Variants in CSMD1 observed in about 807,000 individuals in gnomAD.
CSMD1 encodes the protein CUB and Sushi multiple domains 1.
In CSMD1, 213 loss-of-function variants were observed where a neutral mutation model predicts 417.5. The observed-to-expected ratio is 0.51, with a 90% CI of 0.46 to 0.57. CSMD1 has a LOEUF of 0.57. Ranked by LOEUF, CSMD1 falls within the 20% of genes least tolerant of loss-of-function variation. The pLI, the probability that CSMD1 is intolerant of heterozygous loss-of-function variation, is 0.00. For synonymous variants in CSMD1, 2,862 were observed against 1,736.8 expected (o/e 1.65, Z -16.11); for missense variants, 6,923 against 4,529.7 (o/e 1.53, Z -15.17).
chr8:3,559,432 T>C (rs910302953), intron 10 of CSMD1, among the ~76,000 whole-genome samples: 2 of 152,114 alleles, frequency 1.3e-5, no homozygotes, highest in Admixed American at 6.5e-5. Context: ...ACGCAACATA[T>C]TGTAACGTTG....
chr8:3,745,353 C>T lies in CSMD1; in HGVS notation c.931+8577G>A, dbSNP rs1308009126. 4.6e-5 allele frequency among the ~76,000 whole-genome samples: 7 copies of T among 152,128 alleles called. No individual in the cohort carries two copies. The East Asian group carries it at 9.6e-4, about 21-fold the overall frequency. On this transcript the variant is annotated intron_variant, in intron 6 of 69. Coordinates refer to ENST00000635120, the MANE Select transcript of CSMD1 (RefSeq NM_033225.6). ...AATCTCATGAGCCTTTAAAAACTAC[C>T]ACTGAGACTGAGCTGACCAGCAGGA...
intron 10 of CSMD1, among the ~76,000 whole-genome samples, chr8:3,505,302 T>G (rs950719924): frequency 3.9e-5 from 6 of 152,142 alleles, no homozygotes; most frequent in Admixed American, 2.6e-4. Flanking sequence ...CAAAGATGTG[T>G]GGAGTGACCG....
intron 6 of CSMD1, among the ~76,000 whole-genome samples, chr8:3,752,525 G>A (rs7837661): frequency 0.19 from 29,403 of 151,254 alleles, 3,254 homozygotes; most frequent in South Asian, 0.31. Flanking sequence ...GTGGTGGTCT[G>A]CACCTGTATT....
intron 3 of CSMD1, among the ~76,000 whole-genome samples, chr8:4,259,772 T>TA (rs1410684848): frequency 4.6e-5 from 7 of 152,170 alleles, no homozygotes; most frequent in African/African-American, 1.7e-4. Context: ...AAGAAGAGAT[T>TA]AAAAATTTAA....
chr8:3,221,991 G>A (rs1170351806), intron 28 of CSMD1, among the ~76,000 whole-genome samples: 1 of 152,038 alleles, frequency 6.6e-6, no homozygotes, highest in Non-Finnish European at 1.5e-5. Flanking sequence ...TTGGGAAGCT[G>A]GACATCCTCA....
chr8:3,368,169 T>G (rs111443697), intron 19 of CSMD1, among the ~76,000 whole-genome samples: 1 of 152,234 alleles, frequency 6.6e-6, no homozygotes, highest in Non-Finnish European at 1.5e-5. Flanking sequence ...GTCTTCTTTA[T>G]GCTTAATTTC....
intron 5 of CSMD1, among the ~76,000 whole-genome samples, chr8:3,899,109 A>C (rs1327515781): frequency 3.3e-5 from 5 of 152,222 alleles, no homozygotes; most frequent in Admixed American, 6.5e-5. Flanking sequence ...TTAATGCATA[A>C]GTACTGACTG....
At chr8:4,247,741 C>G (rs548421632) in intron 3 of CSMD1, among the ~76,000 whole-genome samples, 70 of 152,224 alleles carry the variant, frequency 4.6e-4, no homozygotes, top group African/African-American at 1.5e-3. Context: ...AATGTATCAT[C>G]AACTGCTGAT....
intron 5 of CSMD1, among the ~76,000 whole-genome samples, chr8:3,898,684 A>T (rs150991734): frequency 6.6e-6 from 1 of 152,330 alleles, no homozygotes; most frequent in Non-Finnish European, 1.5e-5. Context: ...TTTGTTTCTC[A>T]TTCAGAGTTC....
intron 5 of CSMD1, among the ~76,000 whole-genome samples, chr8:3,994,857 G>A (rs974626275): frequency 3.9e-5 from 6 of 152,088 alleles, no homozygotes; most frequent in African/African-American, 1.2e-4. Flanking sequence ...AATTTTCCAA[G>A]TAGCTTCTTC....
intron 1 of CSMD1, among the ~76,000 whole-genome samples, chr8:4,843,890 C>T (rs942148548): frequency 2.0e-5 from 3 of 152,110 alleles, no homozygotes; most frequent in African/African-American, 4.8e-5. Flanking sequence ...CCTAACACAC[C>T]CAGTGAGCTC....
chr8:4,270,224 C>G (rs933555343), intron 3 of CSMD1, among the ~76,000 whole-genome samples: 4 of 152,114 alleles, frequency 2.6e-5, no homozygotes, highest in Non-Finnish European at 5.9e-5. Flanking sequence ...GCAAATCACA[C>G]CAGGCATTTC....
At chr8:3,311,035 G>A (rs537515360) in intron 23 of CSMD1, among the ~76,000 whole-genome samples, 11 of 152,184 alleles carry the variant, frequency 7.2e-5, no homozygotes, top group Middle Eastern at 3.4e-3. Context: ...ATGAGGTTAC[G>A]TCCCAATAAA....
At chr8:3,179,661 G>C (rs754685221) in intron 37 of CSMD1, among the ~76,000 whole-genome samples, 2 of 152,120 alleles carry the variant, frequency 1.3e-5, no homozygotes, top group Non-Finnish European at 2.9e-5. Flanking sequence ...GGATAACTTT[G>C]AGAATGATAA....
At chr8:4,404,217 C>T (rs2128930634) in intron 3 of CSMD1, among the ~76,000 whole-genome samples, 1 of 152,178 alleles carries the variant, frequency 6.6e-6, no homozygotes, top group East Asian at 1.9e-4. Context: ...ATGCCACTTC[C>T]CTACTATTTT....
intron 25 of CSMD1, among the ~76,000 whole-genome samples, chr8:3,296,305 G>A (rs984976592): frequency 6.6e-6 from 1 of 151,714 alleles, no homozygotes; most frequent in East Asian, 2.0e-4. Context: ...CACGTAAGGG[G>A]CATACCGTCC....
At chr8:4,179,128 T>G (rs930295505) in intron 3 of CSMD1, among the ~76,000 whole-genome samples, 2 of 152,170 alleles carry the variant, frequency 1.3e-5, no homozygotes, top group Non-Finnish European at 2.9e-5. Flanking sequence ...AAGTCAATCC[T>G]AAGCCAAAGG....
Position 3,223,883 on chromosome 8 carries a change from A to G in CSMD1, c.4346-16T>C, listed in dbSNP as rs761248499. On this transcript the variant is annotated splice_polypyrimidine_tract_variant and intron_variant, in intron 27 of 69. Coordinates refer to ENST00000635120, the MANE Select transcript of CSMD1 (RefSeq NM_033225.6). ...CCACAAGCAGCTGTCACAGAACAAA[A>G]GTTACAGAGAAAAAGTAAGGACAGC... The G allele has an allele frequency of 2.5e-6, 4 of 1,613,212 alleles. No homozygotes were observed. Among genetic ancestry groups the G allele is most frequent in the Non-Finnish European group, 3.4e-6 (4 of 1,179,482 alleles).
At chr8:3,764,639 T>C (rs868115673) in intron 5 of CSMD1, among the ~76,000 whole-genome samples, 3 of 152,070 alleles carry the variant, frequency 2.0e-5, no homozygotes, top group Non-Finnish European at 2.9e-5. Flanking sequence ...TGACTTACCA[T>C]GTGTCTGGCT....
Sources: gnomAD v4.1 joint callset for allele counts (sites outside exome capture counted in the v4.1 genomes callset) on GRCh38, gnomAD v4.1.1 for gene constraint, MANE v1.5 for transcripts, NCBI Gene and HGNC (gene_info 2026-07-23, HGNC 2026-07-21) for gene names.